Variants in DDRGK1 observed in about 807,000 individuals in gnomAD.
The protein encoded by DDRGK1 is DDRGK domain containing 1, also known as DDRGK domain-containing protein 1.
DDRGK1 carries 38 observed loss-of-function variants against 45.8 expected under a neutral mutation model. The observed-to-expected ratio is 0.83, with a 90% CI of 0.64 to 1.09. The LOEUF is 1.09. DDRGK1 is among the 50% of genes least tolerant of loss of function. The probability of loss-of-function intolerance (pLI) is 0.00; values close to 1 mark genes in which losing one functional copy is unlikely to be tolerated. For synonymous variants in DDRGK1, 171 were observed against 168.7 expected, an observed-to-expected ratio of 1.01 and a Z score of -0.11; for missense variants, 403 against 419.9, an observed-to-expected ratio of 0.96 and a Z score of 0.35.
intron 5 of DDRGK1, 89 bp from the exon 6 acceptor site, chr20:3,194,957 A>C: frequency 6.5e-7 from 1 of 1,535,252 alleles, no homozygotes; most frequent in Non-Finnish European, 8.9e-7. Flanking sequence ...TGCTCACTTG[A>C]GGGCCACCTG....
intron 2 of DDRGK1, among the ~76,000 whole-genome samples, chr20:3,201,116 A>C (rs1235567899): frequency 1.3e-5 from 2 of 149,450 alleles, no homozygotes; most frequent in African/African-American, 4.9e-5. Flanking sequence ...TCTCAGGGGA[A>C]AAAAAAATAC....
intron 4 of DDRGK1, among the ~76,000 whole-genome samples, chr20:3,197,451 A>C (rs2067016133): frequency 6.6e-6 from 1 of 152,194 alleles, no homozygotes; most frequent in Non-Finnish European, 1.5e-5. Context: ...CAGCCAGGCG[A>C]CCAAGGTTAA....
intron 7 of DDRGK1, 77 bp downstream of exon 7, chr20:3,191,688 T>C (rs1173088303): frequency 4.0e-6 from 6 of 1,489,566 alleles, no homozygotes; most frequent in Non-Finnish European, 2.8e-6. Flanking sequence ...CAAGACTCTA[T>C]CTTTAGGGCA....
At chr20:3,202,242 C>T (rs2067043527) in intron 2 of DDRGK1, among the ~76,000 whole-genome samples, 2 of 152,128 alleles carry the variant, frequency 1.3e-5, no homozygotes, top group Admixed American at 1.3e-4. Context: ...GTGTGAGCCA[C>T]CACGCCCGGC....
chr20:3,201,478 C>CA lies in DDRGK1; in HGVS notation c.296-1025dup, dbSNP rs1191917763. Among the ~76,000 whole-genome samples, 428 of 69,162 alleles carry CA rather than the reference C, an allele frequency of 6.2e-3. 3 individuals are homozygous for CA. Among genetic ancestry groups the CA allele is most frequent in the Middle Eastern group, 9.6e-3 (1 of 104 alleles). 45.4% of individuals were successfully genotyped at this position (69,162 alleles called of 152,430 possible). ...TGAGTGACAGAGCAAGACTCTGTCTCAAAAAAAAAAAAAAAAAGATGAGAA... is the reference window on the plus strand; with the variant it reads ...TGAGTGACAGAGCAAGACTCTGTCTCAAAAAAAAAAAAAAAAAAGATGAGAA... On this transcript the variant is annotated intron_variant, in intron 2 of 8. Transcript: ENST00000354488.
chr20:3,194,984 G>T, intron 5 of DDRGK1, 116 bp from the exon 6 acceptor site: 2 of 1,443,618 alleles, frequency 1.4e-6, no homozygotes, highest in Non-Finnish European at 1.9e-6. Context: ...GCCTGCCTTT[G>T]GCCCGCCCAA....
intron 1 of DDRGK1, 64 bp downstream of exon 1, chr20:3,204,473 C>T: frequency 1.3e-6 from 2 of 1,494,852 alleles, no homozygotes; most frequent in South Asian, 2.4e-5. Context: ...GCGCGACGGT[C>T]CACAAAGGCT....
rs542032036 is a variant in DDRGK1, at chr20:3,195,015, C to T, written c.634-147G>A. 222 of 1,317,986 alleles carry T rather than the reference C, an allele frequency of 1.7e-4. 3 individuals are homozygous for T. In the South Asian group the frequency reaches 2.9e-3, roughly 17 times the overall value. The allele number at this position is 1,317,986 out of a possible 1,614,324, so 81.6% of individuals were successfully genotyped here. A position where few individuals can be genotyped will look rare whatever the true frequency, so the allele number is the denominator to read the frequency against. On this transcript the variant is annotated intron_variant, in intron 5 of 8. Transcript: ENST00000354488. ...CCCAACCACCTGCACATACCGCTTG[C>T]CTACACAAGCAGCAGAGCCTTCCAG...
Position 3,202,426 on chromosome 20 carries a change from G to T in DDRGK1, c.295+787C>A, listed in dbSNP as rs1194314476. On this transcript the variant is annotated intron_variant, in intron 2 of 8. Transcript: ENST00000354488. ...CAAATCTGAAATCCTCCTCACAATCGTCAGGAGTTGCTGAGGATTCTGGGC... is the reference window on the plus strand; with the variant it reads ...CAAATCTGAAATCCTCCTCACAATCTTCAGGAGTTGCTGAGGATTCTGGGC... 2.0e-5 allele frequency among the ~76,000 whole-genome samples: 3 copies of T among 152,112 alleles called. No individual in the cohort carries two copies. In the South Asian group the frequency reaches 6.2e-4, roughly 32 times the overall value.
chr20:3,198,455 C>T (rs2067021350), intron 4 of DDRGK1, among the ~76,000 whole-genome samples: 1 of 149,138 alleles, frequency 6.7e-6, no homozygotes, highest in Admixed American at 6.7e-5. Context: ...AATCCCAGCG[C>T]TTCGGGAGGC....
At chr20:3,197,068 C>CA (rs2067014258) in intron 4 of DDRGK1, among the ~76,000 whole-genome samples, 1 of 151,108 alleles carries the variant, frequency 6.6e-6, no homozygotes, top group Non-Finnish European at 1.5e-5. Context: ...ACTAAAAATA[C>CA]AAAAATTAGC....
In DDRGK1 at chr20:3,200,462, T is replaced by G. The variant is rs2122239208; in HGVS notation, c.296-8A>C. 1.9e-6 allele frequency: 3 copies of G among 1,562,616 alleles called. No individual in the cohort carries two copies. Among genetic ancestry groups the G allele is most frequent in the South Asian group, 2.4e-5 (2 of 84,698 alleles). On this transcript the variant is annotated splice_polypyrimidine_tract_variant and splice_region_variant and intron_variant, in intron 2 of 8. Coordinates refer to ENST00000354488, the MANE Select transcript of DDRGK1 (RefSeq NM_023935.3). ...CACCTTCCTCCTCCTGGGCTGGGTA[T>G]GGTCAAAGAAAGACAGTTCAGGTTC...
At chr20:3,204,499 C>T in intron 1 of DDRGK1, 38 bp downstream of exon 1, 3 of 1,535,774 alleles carry the variant, frequency 2.0e-6, no homozygotes, top group Non-Finnish European at 2.6e-6. Flanking sequence ...GGCCAGAAAA[C>T]CCGGTACCAC....
At chr20:3,197,449 C>T (rs973830556) in intron 4 of DDRGK1, among the ~76,000 whole-genome samples, 3 of 152,156 alleles carry the variant, frequency 2.0e-5, no homozygotes, top group Non-Finnish European at 4.4e-5. Context: ...CGCAGCCAGG[C>T]GACCAAGGTT....
chr20:3,191,487 C>A, intron 7 of DDRGK1: 1 of 667,406 alleles, frequency 1.5e-6, no homozygotes. Context: ...CAGGCTGGTG[C>A]AGTCTGTGCA....
chr20:3,202,493 G>T (rs2067044481), intron 2 of DDRGK1, among the ~76,000 whole-genome samples: 1 of 152,142 alleles, frequency 6.6e-6, no homozygotes, highest in Admixed American at 6.5e-5. Context: ...ATCAAACCCT[G>T]GCTGAAATGA....
chr20:3,204,449 G>C, intron 1 of DDRGK1, 88 bp downstream of exon 1: 1 of 1,369,120 alleles, frequency 7.3e-7, no homozygotes. Context: ...AGGTGCGCAC[G>C]CGCAGGAGCC....
intron 2 of DDRGK1, among the ~76,000 whole-genome samples, chr20:3,202,786 T>C (rs2067045594): frequency 6.6e-6 from 1 of 152,158 alleles, no homozygotes; most frequent in Non-Finnish European, 1.5e-5. Flanking sequence ...AGCAGGGATA[T>C]GGAGGCCTCT....
chr20:3,194,436 C>A (rs1460196631), intron 6 of DDRGK1, among the ~76,000 whole-genome samples: 1 of 152,184 alleles, frequency 6.6e-6, no homozygotes, highest in Non-Finnish European at 1.5e-5. Context: ...CCTGAAAGAC[C>A]CAAGTTCCCA....
Sources: gnomAD v4.1 joint callset for allele counts (sites outside exome capture counted in the v4.1 genomes callset) on GRCh38, gnomAD v4.1.1 for gene constraint, MANE v1.5 for transcripts, NCBI Gene and HGNC (gene_info 2026-07-23, HGNC 2026-07-21) for gene names.